The following ERBB4 variants were observed in gnomAD, a reference collection of about 807,000 sequenced individuals.
ERBB4 encodes receptor tyrosine-protein kinase erbB-4.
ERBB4 carries 42 observed loss-of-function variants against 158.0 expected under a neutral mutation model. That is an observed-to-expected ratio of 0.27 (90% CI 0.21 to 0.34). The LOEUF (loss-of-function observed/expected upper bound fraction) is 0.34. Ranked by LOEUF, ERBB4 falls within the 10% of genes least tolerant of loss-of-function variation. The pLI, the probability that ERBB4 is intolerant of heterozygous loss-of-function variation, is 1.00. For synonymous variants in ERBB4, 583 were observed against 558.7 expected (o/e 1.04, Z -0.61); for missense variants, 1,333 against 1,624.1 (o/e 0.82, Z 3.08).
chr2:212,505,431 A>C (rs1691137983), intron 1 of ERBB4, among the ~76,000 whole-genome samples: 2 of 124,218 alleles, frequency 1.6e-5, no homozygotes, highest in Non-Finnish European at 2.0e-5. Context: ...AGTATTAAAC[A>C]TCAAGTGAGG....
chr2:211,965,730 C>G (rs2081293467), intron 2 of ERBB4, among the ~76,000 whole-genome samples: 1 of 152,030 alleles, frequency 6.6e-6, no homozygotes, highest in African/African-American at 2.4e-5. Context: ...AAAGAAAATC[C>G]TTCTCACAGA....
chr2:212,529,743 T>G (rs1396718817), intron 1 of ERBB4, among the ~76,000 whole-genome samples: 1 of 152,130 alleles, frequency 6.6e-6, no homozygotes, highest in African/African-American at 2.4e-5. Context: ...GTTGGTTTGA[T>G]TAAATGCCAG....
chr2:211,384,869 C>A (rs994505244), intron 27 of ERBB4, among the ~76,000 whole-genome samples: 1 of 151,910 alleles, frequency 6.6e-6, no homozygotes, highest in Non-Finnish European at 1.5e-5. Flanking sequence ...TCTAATAAAT[C>A]CATCTAGTAT....
intron 1 of ERBB4, among the ~76,000 whole-genome samples, chr2:212,339,129 C>T (rs59096325): frequency 0.35 from 53,490 of 151,970 alleles, 11,365 homozygotes; most frequent in East Asian, 0.78. Flanking sequence ...TTAAGTCCAG[C>T]ATGCATTAGC....
rs180773695 is a variant in ERBB4 at position 211,789,075 on chromosome 2, A to T, written c.422-916T>A. The stretch of plus-strand genomic sequence containing the variant: ...TAGCTTTAAGTTATCCAGGAAAATA[A>T]AAACTGAAATATATCCTCTGAAAAT... On this transcript the variant is annotated intron_variant, in intron 3 of 27. Coordinates refer to ENST00000342788, the MANE Select transcript of ERBB4 (RefSeq NM_005235.3). Among the ~76,000 whole-genome samples the T allele has an allele frequency of 5.3e-3, 812 of 152,286 alleles. 10 individuals are homozygous for T. The highest frequency in any genetic ancestry group is 0.02 in the Middle Eastern group (6 of 294).
chr2:211,466,335 T>G lies in ERBB4; in HGVS notation c.2488-35235A>C, dbSNP rs1219477015. On this transcript the variant is annotated intron_variant, in intron 20 of 27. Coordinates refer to ENST00000342788, the MANE Select transcript of ERBB4 (RefSeq NM_005235.3). ...CATGCTTTCATCTTTTTGTGTAGTT[T>G]TTTTTTTTTTTTTTAAAAAAAAAAA... Among the ~76,000 whole-genome samples the G allele has an allele frequency of 2.9e-5, 4 of 137,616 alleles. No individual in the cohort carries two copies. The East Asian group carries it at 8.1e-4, about 28-fold the overall frequency. The allele number at this position is 137,616 out of a possible 152,430, so 90.3% of individuals were successfully genotyped here.
intron 3 of ERBB4, among the ~76,000 whole-genome samples, chr2:211,889,981 G>T (rs2078919645): frequency 9.9e-6 from 1 of 100,740 alleles, no homozygotes; most frequent in Non-Finnish European, 1.9e-5. Context: ...AAAACACTCT[G>T]CAGGATATTA....
At chr2:211,574,136 T>C (rs12694242) in intron 19 of ERBB4, among the ~76,000 whole-genome samples, 129,536 of 151,978 alleles carry the variant, frequency 0.85, 55,486 homozygotes, top group East Asian at 0.93. Flanking sequence ...TGACTGAATC[T>C]GGAAAAAAGC....
At chr2:212,373,764 C>CCATGTATATATCCATGTATATATCCAT (rs1560144832) in intron 1 of ERBB4, among the ~76,000 whole-genome samples, 3 of 98,292 alleles carry the variant, frequency 3.1e-5, no homozygotes, top group African/African-American at 1.0e-4. Flanking sequence ...TATATATCCA[C>CCATGTATATATCCATGTATATATCCAT]GTATATATCC....
At chr2:211,594,097 C>T (rs1185159967) in intron 19 of ERBB4, among the ~76,000 whole-genome samples, 1 of 152,004 alleles carries the variant, frequency 6.6e-6, no homozygotes, top group Non-Finnish European at 1.5e-5. Flanking sequence ...CGAGGCATAT[C>T]CTTCTTGGTG....
intron 3 of ERBB4, among the ~76,000 whole-genome samples, chr2:211,857,158 T>G (rs1575258259): frequency 7.3e-6 from 1 of 137,248 alleles, no homozygotes; most frequent in East Asian, 2.1e-4. Context: ...TCTGTGTGTG[T>G]TTGTGTGTGT....
At chr2:212,496,873 G>A (rs73069012) in intron 1 of ERBB4, among the ~76,000 whole-genome samples, 6,806 of 151,926 alleles carry the variant, frequency 0.045, 521 homozygotes, top group African/African-American at 0.15. Flanking sequence ...TACTTTATTT[G>A]CTTTTTAAAA....
At chr2:212,507,219 A>C (rs1575049979) in intron 1 of ERBB4, among the ~76,000 whole-genome samples, 1 of 152,182 alleles carries the variant, frequency 6.6e-6, no homozygotes, top group African/African-American at 2.4e-5. Context: ...AGAAAAAAAA[A>C]AAAAGATTCC....
intron 1 of ERBB4, among the ~76,000 whole-genome samples, chr2:212,422,463 A>G (rs2091816176): frequency 6.6e-6 from 1 of 151,624 alleles, no homozygotes; most frequent in Admixed American, 6.6e-5. Flanking sequence ...ATGCCCCTGC[A>G]CTCCAGGCTG....
chr2:211,723,727 T>C lies in ERBB4; in HGVS notation c.742-1193A>G, dbSNP rs368940226. On this transcript the variant is annotated intron_variant, in intron 6 of 27. Coordinates refer to ENST00000342788, the MANE Select transcript of ERBB4 (RefSeq NM_005235.3). ...AATTTCATGTGTCCTTATAATTGCT[T>C]TACTAACATATTTTATGCAATGCTG... 6.6e-5 allele frequency among the ~76,000 whole-genome samples: 10 copies of C among 152,146 alleles called. No individual in the cohort carries two copies. The East Asian group carries it at 1.3e-3, about 21-fold the overall frequency.
chr2:211,664,141 T>G (rs2071530859), intron 15 of ERBB4, among the ~76,000 whole-genome samples: 1 of 152,212 alleles, frequency 6.6e-6, no homozygotes, highest in South Asian at 2.1e-4. Flanking sequence ...TTAAGCTTAT[T>G]TCTTGACCTG....
intron 18 of ERBB4, among the ~76,000 whole-genome samples, chr2:211,621,710 T>C (rs1342668591): frequency 1.3e-5 from 2 of 152,198 alleles, no homozygotes; most frequent in Admixed American, 6.5e-5. Flanking sequence ...CTAGGAACAA[T>C]GTAAGATTGA....
intron 4 of ERBB4, among the ~76,000 whole-genome samples, chr2:211,753,854 A>AG (rs2075209337): frequency 4.1e-5 from 5 of 121,308 alleles, no homozygotes; most frequent in African/African-American, 1.6e-4. Flanking sequence ...AAAAGTCCTG[A>AG]TTTTTTTTTT....
intron 5 of ERBB4, among the ~76,000 whole-genome samples, chr2:211,725,487 C>T (rs889919590): frequency 1.8e-4 from 7 of 38,560 alleles, no homozygotes; most frequent in Admixed American, 1.5e-3. Flanking sequence ...GGAGTGTGCC[C>T]GTAATCCCAA....
Sources: gnomAD v4.1 joint callset for allele counts (sites outside exome capture counted in the v4.1 genomes callset) on GRCh38, gnomAD v4.1.1 for gene constraint, MANE v1.5 for transcripts, NCBI Gene and HGNC (gene_info 2026-07-23, HGNC 2026-07-21) for gene names.